The following NBAS variants were observed in gnomAD, a reference collection of about 807,000 sequenced individuals.
The protein encoded by NBAS is NAG/BC035112 fusion.
NBAS carries 219 observed loss-of-function variants against 302.5 expected under a neutral mutation model. That is an observed-to-expected ratio of 0.72 (90% CI 0.65 to 0.81). The LOEUF (loss-of-function observed/expected upper bound fraction) is 0.81. Among genes scored for constraint, NBAS ranks in the 30% least tolerant of loss-of-function variants. The pLI, the probability that NBAS is intolerant of heterozygous loss-of-function variation, is 0.00. For synonymous variants in NBAS, 1,118 were observed against 1,021.6 expected (o/e 1.09, Z -1.80); for missense variants, 2,932 against 2,841.6 (o/e 1.03, Z -0.72).
At chr2:15,467,235 C>G in intron 19 of NBAS, 94 bp downstream of exon 19, 1 of 953,370 alleles carries the variant, frequency 1.0e-6, no homozygotes. Context: ...AAAAATAGTT[C>G]TAAAGACCAA....
intron 40 of NBAS, among the ~76,000 whole-genome samples, chr2:15,301,519 A>T (rs972209993): frequency 2.0e-5 from 3 of 152,240 alleles, no homozygotes; most frequent in African/African-American, 7.2e-5. Flanking sequence ...GTTTGGGAGC[A>T]GACAGGAACT....
chr2:15,520,139 C>T (rs183455121), intron 9 of NBAS, among the ~76,000 whole-genome samples: 5 of 152,236 alleles, frequency 3.3e-5, no homozygotes, highest in Non-Finnish European at 7.4e-5. Flanking sequence ...CAGTGACTTA[C>T]ATATGTAATT....
chr2:14,969,023 T>C, the NBAS span, among the ~76,000 whole-genome samples: 1 of 152,092 alleles, frequency 6.6e-6, no homozygotes, highest in Non-Finnish European at 1.5e-5. Context: ...TAAAGAGCAA[T>C]GAAGTACTGA....
chr2:15,057,568 C>T, the NBAS span, among the ~76,000 whole-genome samples: 4 of 152,260 alleles, frequency 2.6e-5, no homozygotes, highest in African/African-American at 9.6e-5. Flanking sequence ...AGTCTTTTAT[C>T]CCTCACCAAC....
chr2:15,438,813 C>A (rs946125859), intron 21 of NBAS, among the ~76,000 whole-genome samples: 1 of 152,090 alleles, frequency 6.6e-6, no homozygotes, highest in African/African-American at 2.4e-5. Flanking sequence ...TAGTCATTGA[C>A]TAAGCACTGC....
At chr2:15,097,826 T>C in the NBAS span, among the ~76,000 whole-genome samples, 2 of 147,188 alleles carry the variant, frequency 1.4e-5, no homozygotes, top group Admixed American at 7.2e-5. Context: ...AGAGTAAGAA[T>C]ATTTAGAGAT....
the NBAS span, among the ~76,000 whole-genome samples, chr2:14,876,870 T>G: frequency 6.6e-6 from 1 of 152,244 alleles, no homozygotes; most frequent in African/African-American, 2.4e-5. Context: ...CTGCTTCTGA[T>G]GATTATGTGC....
the NBAS span, among the ~76,000 whole-genome samples, chr2:15,003,571 C>T: frequency 1.3e-5 from 2 of 152,102 alleles, no homozygotes; most frequent in Admixed American, 6.5e-5. Flanking sequence ...TTTATGTAAA[C>T]GGACTAGGGG....
At chr2:14,850,467 C>A in the NBAS span, among the ~76,000 whole-genome samples, 1 of 96,368 alleles carries the variant, frequency 1.0e-5, no homozygotes. Flanking sequence ...TAGACTCCCA[C>A]ACATTAATAA....
Position 15,293,589 on chromosome 2 carries a change from T to C in NBAS, c.4798-823A>G, listed in dbSNP as rs148827234. ...TAGGGAGTTTAATACTTGAACAGCA[T>C]TAATTCAATCCATCCCAATTCCTGG... On this transcript the variant is annotated intron_variant, in intron 40 of 51. Coordinates refer to ENST00000281513, the MANE Select transcript of NBAS (RefSeq NM_015909.4). Among the ~76,000 whole-genome samples the C allele has an allele frequency of 2.3e-3, 347 of 152,256 alleles. 3 individuals carry two copies. The highest frequency in any genetic ancestry group is 3.8e-3 in the Non-Finnish European group (256 of 68,018).
At chr2:15,403,928 A>G (rs1296884004) in intron 25 of NBAS, among the ~76,000 whole-genome samples, 1 of 139,374 alleles carries the variant, frequency 7.2e-6, no homozygotes, top group Admixed American at 7.4e-5. Context: ...TTTTCCAGAT[A>G]CAAGGTCTCA....
intron 28 of NBAS, 56 bp downstream of exon 28, chr2:15,394,171 C>T (rs1558299533): frequency 4.6e-6 from 7 of 1,509,056 alleles, no homozygotes; most frequent in East Asian, 4.9e-5. Context: ...AAGAGAAATA[C>T]TTTTAAAAAT....
the NBAS span, among the ~76,000 whole-genome samples, chr2:15,009,603 TACACACACACAC>T: frequency 0.014 from 1,837 of 130,770 alleles, 41 homozygotes; most frequent in African/African-American, 0.049. Context: ...TGCAACATCA[TACACACACACAC>T]ACACACACAC....
the NBAS span, among the ~76,000 whole-genome samples, chr2:15,103,622 G>A: frequency 6.6e-6 from 1 of 152,134 alleles, no homozygotes; most frequent in African/African-American, 2.4e-5. Flanking sequence ...GCACAGGGAA[G>A]CTTCTCAATA....
chr2:15,000,610 G>A, the NBAS span, among the ~76,000 whole-genome samples: 1 of 152,188 alleles, frequency 6.6e-6, no homozygotes, highest in African/African-American at 2.4e-5. Context: ...GCTGCTCTCA[G>A]GTAATATGAC....
chr2:15,045,917 AAG>A, the NBAS span, among the ~76,000 whole-genome samples: 145 of 152,328 alleles, frequency 9.5e-4, 1 homozygote, highest in Admixed American at 3.5e-3. Context: ...CAAAGCCTGT[AAG>A]AGAGTGTGTA....
chr2:15,546,940 T>A (rs892488616), intron 6 of NBAS, among the ~76,000 whole-genome samples: 1 of 152,250 alleles, frequency 6.6e-6, no homozygotes, highest in South Asian at 2.1e-4. Context: ...ATACCTATAG[T>A]AGGCAAGCTG....
chr2:15,323,054 TC>T (rs1227234602), intron 38 of NBAS, among the ~76,000 whole-genome samples: 1 of 152,242 alleles, frequency 6.6e-6, no homozygotes, highest in Non-Finnish European at 1.5e-5. Flanking sequence ...CTTAGTAGAC[TC>T]AGATTCTTTC....
intron 42 of NBAS, among the ~76,000 whole-genome samples, chr2:15,282,019 A>G (rs1669848209): frequency 6.6e-6 from 1 of 152,222 alleles, no homozygotes; most frequent in Non-Finnish European, 1.5e-5. Flanking sequence ...CTAGACCAAA[A>G]GAAAGAGCAA....
Sources: gnomAD v4.1 joint callset for allele counts (sites outside exome capture counted in the v4.1 genomes callset) on GRCh38, gnomAD v4.1.1 for gene constraint, MANE v1.5 for transcripts, NCBI Gene and HGNC (gene_info 2026-07-23, HGNC 2026-07-21) for gene names.